The following ST6GALNAC5 variants were observed in gnomAD, a reference collection of about 807,000 sequenced individuals.
ST6GALNAC5 encodes the protein alpha-N-acetylgalactosaminide alpha-2,6-sialyltransferase 5.
In ST6GALNAC5, 27 loss-of-function variants were observed where a neutral mutation model predicts 33.6. That is an observed-to-expected ratio of 0.80 (90% CI 0.59 to 1.11). The LOEUF (loss-of-function observed/expected upper bound fraction) is 1.11, where lower values mean the gene tolerates loss of function less well. Among genes scored for constraint, ST6GALNAC5 ranks in the 50% least tolerant of loss-of-function variants. The probability of loss-of-function intolerance (pLI) is 0.00; values close to 1 mark genes in which losing one functional copy is unlikely to be tolerated. For missense variants in ST6GALNAC5, 428 were observed against 454.0 expected, an observed-to-expected ratio of 0.94 and a Z score of 0.52; for synonymous variants, 194 against 171.2, an observed-to-expected ratio of 1.13 and a Z score of -1.04.
At chr1:76,958,636 T>C (rs946212133) in intron 2 of ST6GALNAC5, among the ~76,000 whole-genome samples, 1 of 152,158 alleles carries the variant, frequency 6.6e-6, no homozygotes, top group Non-Finnish European at 1.5e-5. Flanking sequence ...TAATAGTAGA[T>C]GGCACATTTT....
At chr1:76,972,883 G>A (rs770909336) in intron 2 of ST6GALNAC5, among the ~76,000 whole-genome samples, 7 of 152,004 alleles carry the variant, frequency 4.6e-5, no homozygotes, top group Non-Finnish European at 1.0e-4. Context: ...ATAATTCTGT[G>A]TAACTTTTTT....
chr1:76,946,897 C>A (rs111728771), intron 2 of ST6GALNAC5, among the ~76,000 whole-genome samples: 6 of 152,016 alleles, frequency 3.9e-5, no homozygotes, highest in Admixed American at 3.9e-4. Context: ...TAAGTAGATA[C>A]GATTTATATG....
intron 4 of ST6GALNAC5, among the ~76,000 whole-genome samples, chr1:77,058,779 A>C (rs1277956160): frequency 6.6e-6 from 1 of 152,208 alleles, no homozygotes; most frequent in Non-Finnish European, 1.5e-5. Flanking sequence ...TGAAATAGTC[A>C]AGTCCAGCAG....
intron 4 of ST6GALNAC5, among the ~76,000 whole-genome samples, chr1:77,051,397 C>T (rs1017718883): frequency 3.9e-5 from 6 of 152,094 alleles, no homozygotes; most frequent in African/African-American, 1.4e-4. Flanking sequence ...TAGAGCAGAC[C>T]TTTGATGTAA....
chr1:76,915,499 A>T (rs990355062), intron 2 of ST6GALNAC5, among the ~76,000 whole-genome samples: 10 of 152,194 alleles, frequency 6.6e-5, no homozygotes, highest in Non-Finnish European at 1.0e-4. Flanking sequence ...TACACCATGG[A>T]ATACTACGCA....
chr1:77,012,405 C>T (rs1650667095), intron 2 of ST6GALNAC5, among the ~76,000 whole-genome samples: 1 of 152,116 alleles, frequency 6.6e-6, no homozygotes, highest in Admixed American at 6.5e-5. Flanking sequence ...AGGAAAAGCA[C>T]TAATATGAAG....
chr1:76,958,653 T>C (rs534505639), intron 2 of ST6GALNAC5, among the ~76,000 whole-genome samples: 1 of 152,276 alleles, frequency 6.6e-6, no homozygotes, highest in East Asian at 1.9e-4. Flanking sequence ...TTTTGTGTGA[T>C]GGGATGGGGG....
chr1:76,969,780 C>T (rs554060065), intron 2 of ST6GALNAC5, among the ~76,000 whole-genome samples: 60 of 152,168 alleles, frequency 3.9e-4, no homozygotes, highest in African/African-American at 1.3e-3. Context: ...CAGTAGTGGC[C>T]GACTGACACC....
chr1:76,973,279 A>C (rs1252889251), intron 2 of ST6GALNAC5, among the ~76,000 whole-genome samples: 1 of 152,022 alleles, frequency 6.6e-6, no homozygotes, highest in Non-Finnish European at 1.5e-5. Context: ...ATCAGCTCAT[A>C]CAATTAAGGA....
intron 2 of ST6GALNAC5, among the ~76,000 whole-genome samples, chr1:77,018,091 A>G (rs1650917308): frequency 6.6e-6 from 1 of 152,168 alleles, no homozygotes; most frequent in South Asian, 2.1e-4. Context: ...TGAATGATGG[A>G]GTTCTCTTCC....
At chr1:77,015,642 A>G (rs1167364272) in intron 2 of ST6GALNAC5, among the ~76,000 whole-genome samples, 1 of 152,116 alleles carries the variant, frequency 6.6e-6, no homozygotes, top group East Asian at 1.9e-4. Flanking sequence ...GAAGCGGTTG[A>G]AGTGGAAGTG....
chr1:76,989,948 T>C (rs1649659563), intron 2 of ST6GALNAC5, among the ~76,000 whole-genome samples: 1 of 152,166 alleles, frequency 6.6e-6, no homozygotes, highest in African/African-American at 2.4e-5. Flanking sequence ...AACTGAGGTC[T>C]TGAGATCTGT....
chr1:76,913,801 C>G (rs574668931), intron 2 of ST6GALNAC5, among the ~76,000 whole-genome samples: 37 of 152,254 alleles, frequency 2.4e-4, no homozygotes, highest in South Asian at 1.5e-3. Context: ...GATGCCCTCT[C>G]TCACCACTCC....
At chr1:77,051,146 T>G (rs952099234) in intron 4 of ST6GALNAC5, among the ~76,000 whole-genome samples, 1 of 152,268 alleles carries the variant, frequency 6.6e-6, no homozygotes, top group African/African-American at 2.4e-5. Context: ...TTTTAAATTG[T>G]GTGCTTACTT....
At chr1:76,999,611 G>A (rs1318543195) in intron 2 of ST6GALNAC5, among the ~76,000 whole-genome samples, 1 of 150,944 alleles carries the variant, frequency 6.6e-6, no homozygotes, top group Non-Finnish European at 1.5e-5. Context: ...TCTAGCATTA[G>A]GTATATCTCC....
intron 2 of ST6GALNAC5, among the ~76,000 whole-genome samples, chr1:76,924,792 TC>T (rs1221535799): frequency 9.2e-5 from 14 of 152,126 alleles, no homozygotes; most frequent in Non-Finnish European, 2.9e-5. Flanking sequence ...GTCCTTTGCG[TC>T]CAAACATTCC....
chr1:76,917,670 T>C (rs1307390636), intron 2 of ST6GALNAC5, among the ~76,000 whole-genome samples: 1 of 151,462 alleles, frequency 6.6e-6, no homozygotes, highest in Non-Finnish European at 1.5e-5. Flanking sequence ...ATATTTATAT[T>C]TGTATGTGTG....
At chr1:76,907,984 T>G (rs1388571076) in intron 2 of ST6GALNAC5, among the ~76,000 whole-genome samples, 1 of 152,174 alleles carries the variant, frequency 6.6e-6, no homozygotes, top group Non-Finnish European at 1.5e-5. Context: ...ACCTGCAGAA[T>G]CTCTGGAAGG....
Position 77,025,499 on chromosome 1 carries a change from G to A in ST6GALNAC5, c.262-18705G>A, listed in dbSNP as rs1328670584. On this transcript the variant is annotated intron_variant, in intron 2 of 4. Transcript: ENST00000477717. The stretch of plus-strand genomic sequence containing the variant: ...CACACCATTGAACTCCAGACTGGGC[G>A]ACAGAGCAAGACTGTCTTGAAAAAA... 8.7e-5 allele frequency among the ~76,000 whole-genome samples: 13 copies of A among 148,794 alleles called. No homozygotes were observed. In the East Asian group the frequency reaches 2.1e-3, roughly 24 times the overall value.
Sources: allele counts gnomAD v4.1 joint callset (sites outside exome capture counted in the v4.1 genomes callset), GRCh38; gene constraint gnomAD v4.1.1; transcripts MANE v1.5; gene names NCBI Gene and HGNC (gene_info 2026-07-23, HGNC 2026-07-21).